The following DACH2 variants were observed in gnomAD, a reference collection of about 807,000 sequenced individuals.
The protein encoded by DACH2 is dachshund family transcription factor 2.
A neutral mutation model predicts 35.8 loss-of-function variants in DACH2; 17 were observed. That is an observed-to-expected ratio of 0.48 (90% CI 0.33 to 0.71). The LOEUF (loss-of-function observed/expected upper bound fraction) is 0.71. Ranked by LOEUF, DACH2 falls within the 30% of genes least tolerant of loss-of-function variation. The pLI is 0.02. For missense variants in DACH2, 469 were observed against 472.7 expected (o/e 0.99, Z 0.07); for synonymous variants, 195 against 177.3 (o/e 1.10, Z -0.79).
chrX:86,795,641 C>T (rs755183858), intron 7 of DACH2, among the ~76,000 whole-genome samples: 1 of 112,514 alleles, frequency 8.9e-6, no homozygotes, highest in East Asian at 2.8e-4. Flanking sequence ...CCAGTGGGTT[C>T]TTGGTCTCTC....
chrX:86,437,261 A>ACAT (rs1016267613), intron 2 of DACH2, among the ~76,000 whole-genome samples: 1 of 111,873 alleles, frequency 8.9e-6, no homozygotes, highest in Non-Finnish European at 1.9e-5. Flanking sequence ...GGGTATCCCC[A>ACAT]CATCGGTATT....
chrX:86,446,325 G>A (rs1295168666), intron 2 of DACH2, among the ~76,000 whole-genome samples: 4 of 88,191 alleles, frequency 4.5e-5, no homozygotes, highest in African/African-American at 8.8e-5. Flanking sequence ...CTAAGTTTTA[G>A]GGTACATGTG....
At chrX:86,312,503 C>A (rs1048206136) in intron 1 of DACH2, among the ~76,000 whole-genome samples, 1 of 111,412 alleles carries the variant, frequency 9.0e-6, no homozygotes, top group African/African-American at 3.3e-5. Context: ...GAGGAATATA[C>A]AGTATTAATT....
intron 3 of DACH2, among the ~76,000 whole-genome samples, chrX:86,598,460 T>C (rs994865712): frequency 2.7e-5 from 3 of 111,603 alleles, no homozygotes; most frequent in African/African-American, 9.8e-5. Context: ...TATTATTCTA[T>C]TGTTTTGACA....
intron 4 of DACH2, among the ~76,000 whole-genome samples, chrX:86,656,857 G>GTA (rs752576150): frequency 0.06 from 3,968 of 66,536 alleles, 106 homozygotes; most frequent in Non-Finnish European, 0.063. Context: ...GTGTGTGTGT[G>GTA]TATATATATA....
At chrX:86,393,220 C>G (rs988333507) in intron 2 of DACH2, among the ~76,000 whole-genome samples, 54 of 111,187 alleles carry the variant, frequency 4.9e-4, no homozygotes, top group African/African-American at 1.6e-3. Context: ...CTCTCACATT[C>G]AGAATTTCAC....
At chrX:86,197,984 A>C (rs1301402105) in intron 1 of DACH2, among the ~76,000 whole-genome samples, 1 of 111,942 alleles carries the variant, frequency 8.9e-6, no homozygotes, top group Non-Finnish European at 1.9e-5. Context: ...TACATGGTAC[A>C]TACTCTAAAA....
intron 1 of DACH2, among the ~76,000 whole-genome samples, chrX:86,194,229 A>G (rs1243963410): frequency 8.9e-6 from 1 of 112,130 alleles, no homozygotes; most frequent in East Asian, 2.8e-4. Flanking sequence ...AATAATGCTC[A>G]TAAGTTTGGA....
intron 5 of DACH2, among the ~76,000 whole-genome samples, chrX:86,712,433 T>C (rs1313131145): frequency 2.7e-5 from 3 of 110,968 alleles, no homozygotes; most frequent in Non-Finnish European, 3.8e-5. Context: ...TTATTTTGCT[T>C]AGCATAATGT....
chrX:86,525,186 G>GA (rs1335543074), intron 3 of DACH2, among the ~76,000 whole-genome samples: 2 of 110,366 alleles, frequency 1.8e-5, no homozygotes, highest in Non-Finnish European at 3.8e-5. Context: ...AACTATCTCT[G>GA]AAAAAAACAA....
At chrX:86,757,558 C>T (rs2041840768) in intron 7 of DACH2, among the ~76,000 whole-genome samples, 1 of 112,142 alleles carries the variant, frequency 8.9e-6, no homozygotes. Flanking sequence ...TCTGTGTTCC[C>T]ACCCAAATCT....
chrX:86,535,342 C>A (rs749871515), intron 3 of DACH2, among the ~76,000 whole-genome samples: 6 of 111,374 alleles, frequency 5.4e-5, no homozygotes, highest in Admixed American at 9.6e-5. Flanking sequence ...ATATGTGAGA[C>A]CGGGTAATAT....
chrX:86,694,962 T>A, intron 4 of DACH2, 59 bp from the exon 5 acceptor site: 2 of 932,999 alleles, frequency 2.1e-6, no homozygotes, highest in Non-Finnish European at 2.8e-6. Context: ...AAGGGAATTT[T>A]AAAAAGCCTT....
At chrX:86,339,694 G>A (rs771354428) in intron 1 of DACH2, among the ~76,000 whole-genome samples, 1 of 111,407 alleles carries the variant, frequency 9.0e-6, no homozygotes, top group East Asian at 2.8e-4. Flanking sequence ...CTTAATCCCT[G>A]CACCACACTG....
intron 1 of DACH2, among the ~76,000 whole-genome samples, chrX:86,206,348 A>G (rs771850476): frequency 1.8e-5 from 2 of 111,478 alleles, no homozygotes; most frequent in South Asian, 7.5e-4. Flanking sequence ...CTGTTGGCAC[A>G]TGGTGAAGAA....
intron 6 of DACH2, among the ~76,000 whole-genome samples, chrX:86,721,392 G>T (rs1432580890): frequency 1.8e-5 from 2 of 111,817 alleles, no homozygotes; most frequent in South Asian, 7.5e-4. Flanking sequence ...CAGATCTCTA[G>T]GGCAGGGGCA....
chrX:86,827,288 A>G (rs1205595940), intron 11 of DACH2, among the ~76,000 whole-genome samples: 3 of 112,014 alleles, frequency 2.7e-5, no homozygotes, highest in Non-Finnish European at 5.6e-5. Context: ...CTCACAAAAA[A>G]CAGGATAGGC....
At position 86,813,160 on chromosome X, in the gene DACH2, C is replaced by T. The variant is rs2042411054; in HGVS notation, c.1420C>T (p.Arg474Cys). 1.7e-6 allele frequency: 2 copies of T among 1,205,120 alleles called. No individual in the cohort carries two copies. The highest frequency in any genetic ancestry group is 1.8e-5 in the South Asian group (1 of 55,744). Residue 474 changes from arginine to cysteine, a missense_variant, in exon 9 of 12, where the codon CGC becomes TGC. Transcript: ENST00000373125. ...GLLKVALDNA[R>C]IQEKQIQQEK... ...GCTGAAAGTTGCTTTGGATAATGCTCGCATCCAGGAGAAGCAGATTCAACA... is the reference window on the plus strand; with the variant it reads ...GCTGAAAGTTGCTTTGGATAATGCTTGCATCCAGGAGAAGCAGATTCAACA...
intron 4 of DACH2, among the ~76,000 whole-genome samples, chrX:86,657,032 G>A (rs1207985683): frequency 9.3e-6 from 1 of 107,370 alleles, no homozygotes; most frequent in Non-Finnish European, 1.9e-5. Flanking sequence ...ATTTGTGGGA[G>A]TTAAAATTAA....
Sources: gnomAD v4.1 joint callset for allele counts (sites outside exome capture counted in the v4.1 genomes callset) on GRCh38, gnomAD v4.1.1 for gene constraint, MANE v1.5 for transcripts, NCBI Gene and HGNC (gene_info 2026-07-23, HGNC 2026-07-21) for gene names.